EGFLAM: variants seen among roughly 807,000 people sequenced by gnomAD.
EGFLAM encodes pikachurin.
Under a neutral mutation model 113.1 loss-of-function variants are expected in EGFLAM, and 79 were observed. That is an observed-to-expected ratio of 0.70 (90% confidence interval 0.58 to 0.84). EGFLAM has a LOEUF of 0.84. Ranked by LOEUF, EGFLAM falls within the 40% of genes least tolerant of loss-of-function variation. EGFLAM has a pLI of 0.00. For synonymous variants in EGFLAM, 504 were observed against 487.6 expected (o/e 1.03, Z -0.44); for missense variants, 1,265 against 1,291.6 (o/e 0.98, Z 0.32).
chr5:38,390,570 T>C (rs1740783132), intron 6 of EGFLAM, among the ~76,000 whole-genome samples: 1 of 152,244 alleles, frequency 6.6e-6, no homozygotes, highest in South Asian at 2.1e-4. Flanking sequence ...CTACCTATTA[T>C]AAAATTCTTC....
intron 3 of EGFLAM, among the ~76,000 whole-genome samples, chr5:38,339,752 T>G (rs531035541): frequency 2.5e-4 from 38 of 152,346 alleles, no homozygotes; most frequent in Non-Finnish European, 1.8e-4. Context: ...TCTGAGCCCC[T>G]GCCCTTGCTG....
chr5:38,326,746 C>A (rs1367143191), intron 1 of EGFLAM, among the ~76,000 whole-genome samples: 1 of 151,782 alleles, frequency 6.6e-6, no homozygotes, highest in African/African-American at 2.4e-5. Context: ...CCCAACTTGG[C>A]CTCCCAAAGT....
intron 10 of EGFLAM, among the ~76,000 whole-genome samples, 161 bp downstream of exon 10, chr5:38,409,265 C>G (rs1418238240): frequency 6.6e-6 from 1 of 152,182 alleles, no homozygotes; most frequent in African/African-American, 2.4e-5. Flanking sequence ...TACTGGTGTA[C>G]TGGGATTGCA....
intron 1 of EGFLAM, among the ~76,000 whole-genome samples, chr5:38,259,218 C>T (rs1009546008): frequency 1.3e-5 from 2 of 152,176 alleles, no homozygotes; most frequent in Non-Finnish European, 1.5e-5. Flanking sequence ...AAACATTTTA[C>T]TCAATTCATA....
At chr5:38,417,957 G>C (rs1741704907) in intron 11 of EGFLAM, 109 bp from the exon 12 acceptor site, 3 of 1,112,690 alleles carry the variant, frequency 2.7e-6, no homozygotes, top group Non-Finnish European at 3.8e-6. Flanking sequence ...GGAAGAAAAT[G>C]CTGGGGCTGT....
At position 38,398,718 on chromosome 5, in the gene EGFLAM, A is replaced by C. The variant is rs143411868; in HGVS notation, c.713-7408A>C. ...AGATGAGGCTCAAGCTTGCAGGGCCAAGTCACTTAGGATCTTGGGAAGACT... is the reference window on the plus strand; with the variant it reads ...AGATGAGGCTCAAGCTTGCAGGGCCCAGTCACTTAGGATCTTGGGAAGACT... On this transcript the variant is annotated intron_variant, in intron 6 of 21. Transcript: ENST00000322350. 4.0e-3 allele frequency among the ~76,000 whole-genome samples: 608 copies of C among 152,322 alleles called. 1 individual carries two copies. Among genetic ancestry groups the C allele is most frequent in the Non-Finnish European group, 6.3e-3 (427 of 68,028 alleles).
intron 14 of EGFLAM, among the ~76,000 whole-genome samples, chr5:38,428,072 G>A (rs1390011049): frequency 6.6e-6 from 1 of 152,218 alleles, no homozygotes; most frequent in Non-Finnish European, 1.5e-5. Flanking sequence ...ATCGCATGCA[G>A]ACATGCTTCT....
intron 1 of EGFLAM, among the ~76,000 whole-genome samples, chr5:38,328,368 G>A (rs1003147793): frequency 3.3e-5 from 5 of 152,146 alleles, no homozygotes; most frequent in Non-Finnish European, 5.9e-5. Flanking sequence ...ATTGCAATTC[G>A]ACATGCGGGG....
chr5:38,345,506 A>G (rs1323567304), intron 3 of EGFLAM: 1 of 152,160 alleles, frequency 6.6e-6, no homozygotes, highest in Non-Finnish European at 1.5e-5. Context: ...GAGCAGACAA[A>G]GGGGTTTTAC....
chr5:38,390,384 C>T (rs1740778910), intron 6 of EGFLAM, among the ~76,000 whole-genome samples: 1 of 152,156 alleles, frequency 6.6e-6, no homozygotes, highest in Admixed American at 6.5e-5. Context: ...TAACATTCTA[C>T]TATATGAGTA....
chr5:38,416,711 T>C (rs1317721416), intron 11 of EGFLAM, among the ~76,000 whole-genome samples: 1 of 152,116 alleles, frequency 6.6e-6, no homozygotes, highest in Non-Finnish European at 1.5e-5. Flanking sequence ...CAGGATGGGA[T>C]CCAGAAGAAG....
chr5:38,431,872 G>A (rs918295023), intron 15 of EGFLAM, among the ~76,000 whole-genome samples: 1 of 152,212 alleles, frequency 6.6e-6, no homozygotes, highest in Non-Finnish European at 1.5e-5. Flanking sequence ...AAACACAACA[G>A]TACCTGATGC....
At chr5:38,386,806 G>A (rs967478230) in intron 6 of EGFLAM, among the ~76,000 whole-genome samples, 4 of 152,158 alleles carry the variant, frequency 2.6e-5, no homozygotes, top group Non-Finnish European at 5.9e-5. Context: ...TGCCCAGCCC[G>A]AGTACTTATT....
At chr5:38,396,074 T>C (rs1228418718) in intron 6 of EGFLAM, among the ~76,000 whole-genome samples, 1 of 152,178 alleles carries the variant, frequency 6.6e-6, no homozygotes, top group South Asian at 2.1e-4. Context: ...AAAAGCCTCC[T>C]ATTCATTCTT....
At chr5:38,436,009 G>C (rs566275300) in intron 16 of EGFLAM, among the ~76,000 whole-genome samples, 1 of 151,802 alleles carries the variant, frequency 6.6e-6, no homozygotes, top group Non-Finnish European at 1.5e-5. Context: ...GTAGAGACAG[G>C]GTTTCACCAT....
intron 11 of EGFLAM, among the ~76,000 whole-genome samples, chr5:38,417,304 T>TCA (rs1741675173): frequency 7.9e-6 from 1 of 126,196 alleles, no homozygotes; most frequent in Admixed American, 1.0e-4. Flanking sequence ...GCCAGGATGG[T>TCA]GCCTTTGCAC....
In EGFLAM at chr5:38,370,415, A is replaced by G. The variant is rs766616124; in HGVS notation, c.665A>G (p.His222Arg). 12 of 1,614,152 alleles carry G rather than the reference A, an allele frequency of 7.4e-6. No individual in the cohort carries two copies. The highest frequency in any genetic ancestry group is 1.1e-5 in the South Asian group (1 of 91,078). ...YQFAVRAMNS[H>R]GPSPRSWPSD... ...TTTGCCGTGAGGGCAATGAATTCCC[A>G]TGGCCCCAGCCCCCGCAGCTGGCCC... Residue 222 changes from histidine (H) to arginine (R), a missense_variant, in exon 6 of 22, where the codon CAT becomes CGT. Physicochemically the swap from His to Arg is conservative, Grantham distance 29. Transcript: ENST00000322350.
intron 5 of EGFLAM, among the ~76,000 whole-genome samples, chr5:38,362,329 C>G (rs1277294905): frequency 6.6e-6 from 1 of 152,188 alleles, no homozygotes; most frequent in Admixed American, 6.5e-5. Flanking sequence ...ACTAAGTGAA[C>G]TGCCACCGTT....
chr5:38,421,225 TGTCTTTC>T (rs1204094661), intron 12 of EGFLAM, among the ~76,000 whole-genome samples: 1 of 152,254 alleles, frequency 6.6e-6, no homozygotes, highest in Non-Finnish European at 1.5e-5. Flanking sequence ...CTTCATATCC[TGTCTTTC>T]GTTAGACTGT....
Sources: gnomAD v4.1 joint callset for allele counts (sites outside exome capture counted in the v4.1 genomes callset) on GRCh38, gnomAD v4.1.1 for gene constraint, MANE v1.5 for transcripts, NCBI Gene and HGNC (gene_info 2026-07-23, HGNC 2026-07-21) for gene names.